The following PPP1R36 variants were observed in gnomAD, a reference collection of about 807,000 sequenced individuals.
PPP1R36 encodes the protein chromosome 14 open reading frame 50.
PPP1R36 carries 47 observed loss-of-function variants against 53.4 expected under a neutral mutation model. The ratio of observed to expected loss-of-function variants is 0.88; its 90% CI spans 0.70 to 1.12. The LOEUF (loss-of-function observed/expected upper bound fraction) is 1.12. Among genes scored for constraint, PPP1R36 ranks in the 50% most tolerant of loss-of-function variants. The pLI is 0.00. For missense variants in PPP1R36, 456 were observed against 513.9 expected (o/e 0.89, Z 1.09); for synonymous variants, 153 against 170.5 (o/e 0.90, Z 0.80).
chr14:64,569,894 A>G (rs2080289752), intron 7 of PPP1R36, among the ~76,000 whole-genome samples: 1 of 151,688 alleles, frequency 6.6e-6, no homozygotes, highest in African/African-American at 2.4e-5. Context: ...GCCCACAACC[A>G]CGCCCAGCTA....
intron 3 of PPP1R36, among the ~76,000 whole-genome samples, 200 bp from the exon 4 acceptor site, chr14:64,564,551 G>A (rs1022546546): frequency 1.3e-5 from 2 of 152,210 alleles, no homozygotes; most frequent in East Asian, 3.8e-4. Context: ...ATTGCTGATG[G>A]TTAGAGGCTG....
At chr14:64,580,847 C>T (rs1316992037) in intron 8 of PPP1R36, among the ~76,000 whole-genome samples, 9 of 152,152 alleles carry the variant, frequency 5.9e-5, no homozygotes, top group East Asian at 3.8e-4. Flanking sequence ...CACTTCTTTC[C>T]GATTTCAGTA....
chr14:64,552,925 A>T, intron 3 of PPP1R36, 64 bp downstream of exon 3: 2 of 1,419,336 alleles, frequency 1.4e-6, no homozygotes, highest in South Asian at 2.4e-5. Context: ...TACAGAAGTC[A>T]AAATACATGT....
chr14:64,559,890 G>A (rs2080191068), intron 3 of PPP1R36, among the ~76,000 whole-genome samples: 1 of 152,024 alleles, frequency 6.6e-6, no homozygotes, highest in Admixed American at 6.5e-5. Flanking sequence ...AATACCTGAG[G>A]TCAGGAGTTC....
chr14:64,566,508 C>T (rs1015115785), intron 6 of PPP1R36, among the ~76,000 whole-genome samples: 36 of 151,948 alleles, frequency 2.4e-4, no homozygotes, highest in Non-Finnish European at 4.4e-4. Flanking sequence ...TTATGTTTGG[C>T]AGCCCCAGGA....
chr14:64,555,782 A>C (rs2080144955), intron 3 of PPP1R36, among the ~76,000 whole-genome samples: 1 of 152,208 alleles, frequency 6.6e-6, no homozygotes, highest in Non-Finnish European at 1.5e-5. Flanking sequence ...AGTCCCACCC[A>C]GCAAGTAACT....
At chr14:64,568,951 G>T (rs2080282082) in intron 7 of PPP1R36, among the ~76,000 whole-genome samples, 1 of 152,062 alleles carries the variant, frequency 6.6e-6, no homozygotes, top group Non-Finnish European at 1.5e-5. Context: ...TCTTGAAGGT[G>T]CAGATATAGT....
At chr14:64,584,891 C>T (rs1183838248) in intron 8 of PPP1R36, among the ~76,000 whole-genome samples, 3 of 152,192 alleles carry the variant, frequency 2.0e-5, no homozygotes, top group African/African-American at 7.2e-5. Context: ...TAGTGCAGTA[C>T]CCGGCACATA....
chr14:64,570,465 G>C (rs2080293787), intron 7 of PPP1R36, among the ~76,000 whole-genome samples: 1 of 152,052 alleles, frequency 6.6e-6, no homozygotes, highest in Non-Finnish European at 1.5e-5. Context: ...CTGGGCGACA[G>C]AGCGAGACTC....
chr14:64,556,732 G>A (rs571777588), intron 3 of PPP1R36, among the ~76,000 whole-genome samples: 4,803 of 146,318 alleles, frequency 0.033, 99 homozygotes, highest in Middle Eastern at 0.06. Context: ...CTCTAGCCTG[G>A]GTGGTAGAGT....
At chr14:64,571,110 C>CTGTTTGTT (rs10638013) in intron 7 of PPP1R36, among the ~76,000 whole-genome samples, 1,709 of 150,504 alleles carry the variant, frequency 0.011, 15 homozygotes, top group African/African-American at 0.018. Context: ...TATGTATGTA[C>CTGTTTGTT]TGTTTGTTTG....
chr14:64,551,897 A>G (rs1373670399), intron 2 of PPP1R36, among the ~76,000 whole-genome samples: 1 of 152,224 alleles, frequency 6.6e-6, no homozygotes, highest in Admixed American at 6.5e-5. Flanking sequence ...TGCTAGATTC[A>G]AGCAGAGGAA....
chr14:64,585,129 T>C (rs1023693797), intron 8 of PPP1R36, among the ~76,000 whole-genome samples: 1 of 152,162 alleles, frequency 6.6e-6, no homozygotes, highest in African/African-American at 2.4e-5. Flanking sequence ...TTGGGTCATC[T>C]TTCCCAGACT....
intron 8 of PPP1R36, among the ~76,000 whole-genome samples, chr14:64,575,814 C>T (rs1374527866): frequency 1.3e-5 from 2 of 151,948 alleles, no homozygotes; most frequent in African/African-American, 4.8e-5. Context: ...CCACGCCCAG[C>T]TAATTTTTTG....
intron 8 of PPP1R36, among the ~76,000 whole-genome samples, chr14:64,580,634 T>G (rs1395087691): frequency 6.6e-6 from 1 of 152,218 alleles, no homozygotes; most frequent in Non-Finnish European, 1.5e-5. Context: ...GATAGCAGTT[T>G]ATAGAAGAAT....
intron 3 of PPP1R36, among the ~76,000 whole-genome samples, chr14:64,558,861 C>G (rs2080181122): frequency 6.6e-6 from 1 of 151,968 alleles, no homozygotes; most frequent in South Asian, 2.1e-4. Context: ...GCCTCAAACT[C>G]CTGACCTCAG....
At chr14:64,557,784 G>A (rs2080168682) in intron 3 of PPP1R36, among the ~76,000 whole-genome samples, 1 of 152,208 alleles carries the variant, frequency 6.6e-6, no homozygotes, top group Non-Finnish European at 1.5e-5. Flanking sequence ...GGCCTAGGTG[G>A]TGGATCATGA....
chr14:64,556,899 T>C (rs889048268), intron 3 of PPP1R36, among the ~76,000 whole-genome samples: 3 of 151,924 alleles, frequency 2.0e-5, no homozygotes, highest in African/African-American at 7.3e-5. Flanking sequence ...GGTGCAGCCT[T>C]GACCTCCTGG....
Position 64,589,160 on chromosome 14 carries a change from T to A in PPP1R36, c.1091T>A (p.Ile364Asn). Residue 364 changes from isoleucine to asparagine, a missense_variant, in exon 12 of 12, where the codon ATC becomes AAC. By Grantham distance (149) the Ile-to-Asn change is moderately radical (BLOSUM62 -3). Coordinates refer to ENST00000298705, the MANE Select transcript of PPP1R36 (RefSeq NM_172365.3). ...AATAATTCTTTTCACAGAGTTGGCA[T>A]CTTGGGGGAGCCTCGATGTCTATTC... ...LDSVPMPVVG[I>N]LGEPRCLFNP... is the part of the protein sequence containing the mutation. 1 of 1,611,822 alleles carries A rather than the reference T, an allele frequency of 6.2e-7. No individual in the cohort carries two copies. The highest frequency in any genetic ancestry group is 8.5e-7 in the Non-Finnish European group (1 of 1,179,270).
Sources: allele counts gnomAD v4.1 joint callset (sites outside exome capture counted in the v4.1 genomes callset), GRCh38; gene constraint gnomAD v4.1.1; transcripts MANE v1.5; gene names NCBI Gene and HGNC (gene_info 2026-07-23, HGNC 2026-07-21).